Variants in MEGF11 observed in about 807,000 individuals in gnomAD.
MEGF11 encodes the protein multiple epidermal growth factor-like domains protein 11.
MEGF11 carries 126 observed loss-of-function variants against 146.6 expected under a neutral mutation model. That is an observed-to-expected ratio of 0.86 (90% CI 0.74 to 1.00). The LOEUF (loss-of-function observed/expected upper bound fraction) is 1.00. MEGF11 is among the 50% of genes least tolerant of loss of function. The pLI is 0.00. For missense variants in MEGF11, 1,509 were observed against 1,521.2 expected, an observed-to-expected ratio of 0.99 and a Z score of 0.13; for synonymous variants, 532 against 583.4, an observed-to-expected ratio of 0.91 and a Z score of 1.27.
intron 1 of MEGF11, among the ~76,000 whole-genome samples, chr15:66,151,261 G>A (rs1188561963): frequency 6.6e-6 from 1 of 152,166 alleles, no homozygotes; most frequent in Non-Finnish European, 1.5e-5. Context: ...TAGACCAGAA[G>A]GGAGGACAGA....
In MEGF11 at chr15:65,912,173, T is replaced by C; in HGVS notation, c.2738A>G (p.His913Arg). The C allele has an allele frequency of 8.1e-7, 1 of 1,232,372 alleles. No individual in the cohort carries two copies. The highest frequency in any genetic ancestry group is 1.0e-6 in the Non-Finnish European group (1 of 988,190). The allele number at this position is 1,232,372 out of a possible 1,614,324, so 76.3% of individuals were successfully genotyped here. The stretch of plus-strand genomic sequence containing the variant: ...GTGGTAGCTGGAATTGGAAAAGCAG[T>C]GGGCATGGCTGCTACTTTGAGACAA... ...SDLSQSSSHA[H>R]CFSNSSYHAL... The change falls in exon 21 of 26, where the codon CAC becomes CGC. Residue 913 changes from histidine to arginine, a missense_variant. His to Arg is a conservative substitution (Grantham distance 29). Coordinates refer to ENST00000395614, the MANE Select transcript of MEGF11 (RefSeq NM_001385028.1).
At position 66,106,840 on chromosome 15, in the gene MEGF11, C is replaced by A. The variant is rs972609731; in HGVS notation, c.301+12246G>T. The stretch of plus-strand genomic sequence containing the variant: ...CAGCGTCAAATGAGGGATTCCAGTT[C>A]AACTAAGACTAGGGTAAAAGACACT... On this transcript the variant is annotated intron_variant, in intron 4 of 25. Transcript: ENST00000395614. Among the ~76,000 whole-genome samples, 3 of 152,154 alleles carry A rather than the reference C, an allele frequency of 2.0e-5. No individual in the cohort carries two copies. The East Asian group carries it at 5.8e-4, about 29-fold the overall frequency.
At chr15:66,168,965 G>T (rs2090172020) in intron 1 of MEGF11, among the ~76,000 whole-genome samples, 1 of 152,218 alleles carries the variant, frequency 6.6e-6, no homozygotes, top group Non-Finnish European at 1.5e-5. Context: ...TCCAGCCTGG[G>T]TGACAGAGTG....
chr15:66,062,958 G>A (rs527669336), intron 5 of MEGF11, among the ~76,000 whole-genome samples: 1 of 152,176 alleles, frequency 6.6e-6, no homozygotes, highest in Non-Finnish European at 1.5e-5. Context: ...AGACATTTTT[G>A]TTAAACCATC....
intron 7 of MEGF11, among the ~76,000 whole-genome samples, chr15:65,973,898 G>A (rs2081370982): frequency 6.6e-6 from 1 of 152,192 alleles, no homozygotes. Flanking sequence ...TGTAAATGGA[G>A]CAGGGGACTC....
At position 66,141,924 on chromosome 15, in the gene MEGF11, C is replaced by T. The variant is rs377659682; in HGVS notation, c.-8-13513G>A. Among the ~76,000 whole-genome samples, 15 of 152,236 alleles carry T rather than the reference C, an allele frequency of 9.9e-5. No homozygotes were observed. In the East Asian group the frequency reaches 2.5e-3, roughly 25 times the overall value. ...CCTCAAAAGGGGATAAGCCCTACTC[C>T]TCACTCCCCACCCTTAGGGCAAGCA... On this transcript the variant is annotated intron_variant, in intron 1 of 25. Coordinates refer to ENST00000395614, the MANE Select transcript of MEGF11 (RefSeq NM_001385028.1).
intron 4 of MEGF11, among the ~76,000 whole-genome samples, chr15:66,111,055 T>G (rs1258824598): frequency 6.6e-6 from 1 of 152,126 alleles, no homozygotes; most frequent in Non-Finnish European, 1.5e-5. Context: ...GGATTTAAAG[T>G]CGCACTCATC....
At chr15:66,122,989 T>C (rs1177905557) in intron 3 of MEGF11, among the ~76,000 whole-genome samples, 3 of 152,172 alleles carry the variant, frequency 2.0e-5, no homozygotes, top group Admixed American at 1.3e-4. Flanking sequence ...TTCACTGTGT[T>C]AGCCAGGATG....
intron 5 of MEGF11, among the ~76,000 whole-genome samples, chr15:66,036,800 A>G (rs1273861878): frequency 6.6e-6 from 1 of 152,200 alleles, no homozygotes; most frequent in Non-Finnish European, 1.5e-5. Context: ...TCCACTCCCA[A>G]AGGACCACTC....
intron 5 of MEGF11, among the ~76,000 whole-genome samples, chr15:66,080,361 G>T (rs540363488): frequency 1.3e-5 from 2 of 150,502 alleles, no homozygotes; most frequent in East Asian, 3.9e-4. Flanking sequence ...CTTTCTAAAA[G>T]GGGGACCGCA....
intron 10 of MEGF11, among the ~76,000 whole-genome samples, chr15:65,956,099 G>C (rs911711612): frequency 6.6e-6 from 1 of 152,108 alleles, no homozygotes; most frequent in Non-Finnish European, 1.5e-5. Context: ...ACTGGCCTCA[G>C]CCAGACCATG....
At chr15:66,023,151 A>AAAAAAAAAC (rs768042311) in intron 5 of MEGF11, among the ~76,000 whole-genome samples, 3,521 of 150,156 alleles carry the variant, frequency 0.023, 67 homozygotes, top group South Asian at 0.033. Context: ...AAAAAAAAAA[A>AAAAAAAAAC]AAAACAAACT....
At chr15:66,196,069 G>A (rs545525269) in intron 1 of MEGF11, among the ~76,000 whole-genome samples, 1 of 152,334 alleles carries the variant, frequency 6.6e-6, no homozygotes, top group Non-Finnish European at 1.5e-5. Context: ...AGGGCACACA[G>A]AGCACTCAGA....
chr15:66,056,848 T>C (rs1263958365), intron 5 of MEGF11, among the ~76,000 whole-genome samples: 1 of 152,188 alleles, frequency 6.6e-6, no homozygotes, highest in Non-Finnish European at 1.5e-5. Flanking sequence ...CTTCACCCTG[T>C]CATTCTCTGA....
chr15:66,187,818 C>A (rs911832807), intron 1 of MEGF11, among the ~76,000 whole-genome samples: 1 of 152,214 alleles, frequency 6.6e-6, no homozygotes, highest in African/African-American at 2.4e-5. Context: ...ATCCGCCAGC[C>A]GGCATCATAC....
chr15:66,212,604 C>G (rs2091488269), intron 1 of MEGF11, among the ~76,000 whole-genome samples: 1 of 152,254 alleles, frequency 6.6e-6, no homozygotes, highest in Non-Finnish European at 1.5e-5. Context: ...TTTTTCTCCT[C>G]TTGGCACAGA....
At chr15:66,003,119 G>C (rs1478767307) in intron 5 of MEGF11, among the ~76,000 whole-genome samples, 1 of 151,898 alleles carries the variant, frequency 6.6e-6, no homozygotes, top group East Asian at 1.9e-4. Flanking sequence ...TCAGCCTTCT[G>C]AGTTGCTGGG....
Position 65,982,622 on chromosome 15 carries a change from T to A in MEGF11, c.395-134A>T. The A allele has an allele frequency of 9.3e-7, 1 of 1,073,994 alleles. No homozygotes were observed. The highest frequency in any genetic ancestry group is 1.3e-6 in the Non-Finnish European group (1 of 792,826). The allele number at this position is 1,073,994 out of a possible 1,614,324, so 66.5% of individuals were successfully genotyped here. A position where few individuals can be genotyped will look rare whatever the true frequency, so the allele number is the denominator to read the frequency against. On this transcript the variant is annotated intron_variant, in intron 5 of 25. Transcript: ENST00000395614. This position sits in a 1 kb window ranked among gnomAD's most constrained non-coding sequence, Gnocchi z 5.6. ...CGGACAGGTGGCAGCAAGGGGTGCC[T>A]GGAAGCTTTGGTGCCTCATAACCTG...
chr15:66,227,015 A>G (rs1198269924), intron 1 of MEGF11, among the ~76,000 whole-genome samples: 1 of 152,146 alleles, frequency 6.6e-6, no homozygotes, highest in Non-Finnish European at 1.5e-5. Flanking sequence ...CAGGATTCCC[A>G]GGGAGGTGGT....
Sources: allele counts gnomAD v4.1 joint callset (sites outside exome capture counted in the v4.1 genomes callset), GRCh38; gene constraint gnomAD v4.1.1; non-coding constraint Gnocchi (gnomAD v3.1); transcripts MANE v1.5; gene names NCBI Gene and HGNC (gene_info 2026-07-23, HGNC 2026-07-21).